ZBTB16: variants seen among roughly 807,000 people sequenced by gnomAD.
ZBTB16 encodes the protein zinc finger and BTB domain containing 16, also known as zinc finger and BTB domain-containing protein 16.
A neutral mutation model predicts 56.8 loss-of-function variants in ZBTB16; 8 were observed. The observed-to-expected ratio is 0.14, with a 90% CI of 0.08 to 0.25. The LOEUF (loss-of-function observed/expected upper bound fraction) is 0.25. ZBTB16 is among the 10% of genes least tolerant of loss of function. The pLI is 1.00. For missense variants in ZBTB16, 625 were observed against 903.0 expected, an observed-to-expected ratio of 0.69 and a Z score of 3.95; for synonymous variants, 363 against 368.5, an observed-to-expected ratio of 0.98 and a Z score of 0.17.
At chr11:114,229,031 G>A (rs192079792) in intron 4 of ZBTB16, among the ~76,000 whole-genome samples, 42 of 152,286 alleles carry the variant, frequency 2.8e-4, no homozygotes, top group Middle Eastern at 3.4e-3. Context: ...GAGTCTTTCA[G>A]TAACACCCAC....
intron 2 of ZBTB16, among the ~76,000 whole-genome samples, chr11:114,149,450 C>T (rs949757257): frequency 6.6e-6 from 1 of 152,174 alleles, no homozygotes; most frequent in Non-Finnish European, 1.5e-5. Context: ...CAGAGAGGCA[C>T]CTGCTGTGTG....
At chr11:114,117,513 A>G (rs568916651) in intron 2 of ZBTB16, among the ~76,000 whole-genome samples, 1 of 151,280 alleles carries the variant, frequency 6.6e-6, no homozygotes, top group Non-Finnish European at 1.5e-5. Context: ...TTGTAGGGGG[A>G]AATGAACAGG....
At chr11:114,097,742 T>C (rs1940469708) in intron 2 of ZBTB16, among the ~76,000 whole-genome samples, 1 of 152,208 alleles carries the variant, frequency 6.6e-6, no homozygotes, top group African/African-American at 2.4e-5. Flanking sequence ...GTATTTGTCA[T>C]GTGATTCTAG....
intron 4 of ZBTB16, among the ~76,000 whole-genome samples, chr11:114,222,252 G>A (rs1185812914): frequency 6.6e-6 from 1 of 150,450 alleles, no homozygotes; most frequent in African/African-American, 2.4e-5. Flanking sequence ...ACTTTAACCT[G>A]AATGAACAGA....
At chr11:114,176,110 G>C (rs530840587) in intron 3 of ZBTB16, among the ~76,000 whole-genome samples, 32 of 152,210 alleles carry the variant, frequency 2.1e-4, no homozygotes, top group Admixed American at 5.2e-4. Flanking sequence ...GAGCAGAATA[G>C]ATGAGGATGA....
At position 114,218,503 on chromosome 11, in the gene ZBTB16, G is replaced by A. The variant is rs1248210971; in HGVS notation, c.1454-23664G>A. ...CTCTACACCCTCCTCCAGTGGCTTG[G>A]CACTTCGGGACCAGCTGCTGGAGTG... is the stretch of plus-strand genomic sequence containing the variant. On this transcript the variant is annotated intron_variant, in intron 4 of 6. Coordinates refer to ENST00000335953, the MANE Select transcript of ZBTB16 (RefSeq NM_006006.6). Among the ~76,000 whole-genome samples the A allele has an allele frequency of 5.9e-5, 9 of 152,286 alleles. No homozygotes were observed. In the South Asian group the frequency reaches 1.7e-3, roughly 28 times the overall value.
At chr11:114,139,392 C>T (rs190530111) in intron 2 of ZBTB16, among the ~76,000 whole-genome samples, 1,690 of 152,288 alleles carry the variant, frequency 0.011, 22 homozygotes, top group Non-Finnish European at 0.017. Context: ...TCTCCGGCTT[C>T]GCCAGTTTGT....
chr11:114,155,030 A>T lies in ZBTB16; in HGVS notation c.1269-1307A>T, dbSNP rs547765855. 5.0e-4 allele frequency among the ~76,000 whole-genome samples: 74 copies of T among 148,998 alleles called. 2 individuals are homozygous for T. In the South Asian group the frequency reaches 0.015, roughly 30 times the overall value. The stretch of plus-strand genomic sequence containing the variant: ...GTGGCTCGGTTTTGCTACCATCTAG[A>T]TACTGCCAGCTTGAGTGTGTAATAC... On this transcript the variant is annotated intron_variant, in intron 2 of 6. Transcript: ENST00000335953.
intron 3 of ZBTB16, among the ~76,000 whole-genome samples, chr11:114,173,303 G>A (rs1360147239): frequency 6.6e-6 from 1 of 152,154 alleles, no homozygotes; most frequent in Non-Finnish European, 1.5e-5. Flanking sequence ...GCCACAGCAG[G>A]CCTGGAGAGA....
At chr11:114,090,455 G>A (rs1315689626) in intron 2 of ZBTB16, among the ~76,000 whole-genome samples, 1 of 152,216 alleles carries the variant, frequency 6.6e-6, no homozygotes, top group Non-Finnish European at 1.5e-5. Context: ...GCAGGGTAGG[G>A]ATGCCTGGCC....
intron 2 of ZBTB16, among the ~76,000 whole-genome samples, chr11:114,148,166 C>T (rs1942157907): frequency 6.6e-6 from 1 of 152,112 alleles, no homozygotes; most frequent in African/African-American, 2.4e-5. Context: ...TTAGCACTCG[C>T]AGGCAGCCTT....
At chr11:114,211,811 C>T (rs373559567) in intron 4 of ZBTB16, among the ~76,000 whole-genome samples, 3 of 152,026 alleles carry the variant, frequency 2.0e-5, no homozygotes, top group Non-Finnish European at 2.9e-5. Context: ...TATAAGCTCG[C>T]GATGAAAGCT....
At position 114,076,469 on chromosome 11, in the gene ZBTB16, C is replaced by T. The variant is rs1460643158; in HGVS notation, c.1268+11901C>T. Among the ~76,000 whole-genome samples the T allele has an allele frequency of 2.0e-5, 3 of 152,190 alleles. No individual in the cohort carries two copies. In the East Asian group the frequency reaches 5.8e-4, roughly 29 times the overall value. ...GTCTCAAATTAAAAGCAGCTCTTGCCCCGCTTAGAGCCGGTGAAAGCTGCT... is the reference window on the plus strand; with the variant it reads ...GTCTCAAATTAAAAGCAGCTCTTGCTCCGCTTAGAGCCGGTGAAAGCTGCT... On this transcript the variant is annotated intron_variant, in intron 2 of 6. Transcript: ENST00000335953.
At chr11:114,192,518 A>G (rs547184069) in intron 4 of ZBTB16, among the ~76,000 whole-genome samples, 3 of 152,326 alleles carry the variant, frequency 2.0e-5, no homozygotes. Context: ...TATTGTCATC[A>G]GTATTTCAGC....
intron 2 of ZBTB16, among the ~76,000 whole-genome samples, chr11:114,145,764 G>A (rs1942082031): frequency 6.6e-6 from 1 of 152,056 alleles, no homozygotes; most frequent in Non-Finnish European, 1.5e-5. Context: ...ACCAGTGAAT[G>A]GTATACTTGA....
At chr11:114,091,762 C>T (rs1336435403) in intron 2 of ZBTB16, among the ~76,000 whole-genome samples, 3 of 152,024 alleles carry the variant, frequency 2.0e-5, no homozygotes, top group Non-Finnish European at 2.9e-5. Context: ...AGTGCCCCAG[C>T]CCACTCCCCT....
intron 3 of ZBTB16, among the ~76,000 whole-genome samples, chr11:114,164,896 A>G (rs1433020265): frequency 2.1e-5 from 3 of 144,852 alleles, no homozygotes; most frequent in East Asian, 2.0e-4. Context: ...CTTTCATCTC[A>G]CTTCATCTCT....
At chr11:114,148,336 G>GTCCTTC (rs1942165328) in intron 2 of ZBTB16, among the ~76,000 whole-genome samples, 92 of 52,564 alleles carry the variant, frequency 1.8e-3, no homozygotes, top group African/African-American at 5.7e-3. Context: ...TGGCTGGCTG[G>GTCCTTC]CTTCCTTCCT....
chr11:114,181,884 G>A (rs1179277019), intron 3 of ZBTB16, among the ~76,000 whole-genome samples: 3 of 152,102 alleles, frequency 2.0e-5, no homozygotes, highest in Admixed American at 6.5e-5. Flanking sequence ...ACTCCATCCC[G>A]TGCAGCTGGC....
Sources: gnomAD v4.1 joint callset for allele counts (sites outside exome capture counted in the v4.1 genomes callset) on GRCh38, gnomAD v4.1.1 for gene constraint, MANE v1.5 for transcripts, NCBI Gene and HGNC (gene_info 2026-07-23, HGNC 2026-07-21) for gene names.